The following NELL1 variants were observed in gnomAD, a reference collection of about 807,000 sequenced individuals.
NELL1 encodes the protein protein kinase C-binding protein NELL1.
In NELL1, 76 loss-of-function variants were observed where a neutral mutation model predicts 107.4. The ratio of observed to expected loss-of-function variants is 0.71; its 90% CI spans 0.59 to 0.86. The LOEUF (loss-of-function observed/expected upper bound fraction) is 0.86, where lower values mean the gene tolerates loss of function less well. Ranked by LOEUF, NELL1 falls within the 40% of genes least tolerant of loss-of-function variation. The probability of loss-of-function intolerance (pLI) is 0.00; values close to 1 mark genes in which losing one functional copy is unlikely to be tolerated. For missense variants in NELL1, 1,024 were observed against 1,005.5 expected (o/e 1.02, Z -0.25); for synonymous variants, 353 against 341.2 (o/e 1.03, Z -0.38).
intron 15 of NELL1, among the ~76,000 whole-genome samples, chr11:21,426,077 AG>A (rs2133827906): frequency 6.6e-6 from 1 of 152,358 alleles, no homozygotes; most frequent in East Asian, 1.9e-4. Flanking sequence ...ATACACAAAA[AG>A]AAACAATGAG....
chr11:20,785,004 G>A (rs1856924719), intron 3 of NELL1, among the ~76,000 whole-genome samples: 1 of 152,226 alleles, frequency 6.6e-6, no homozygotes, highest in East Asian at 1.9e-4. Context: ...TTAGGTTAGT[G>A]GTTGAGGAAG....
intron 15 of NELL1, among the ~76,000 whole-genome samples, chr11:21,485,619 A>G (rs1854606666): frequency 6.6e-6 from 1 of 151,722 alleles, no homozygotes; most frequent in Non-Finnish European, 1.5e-5. Context: ...CAAGTTCTAC[A>G]AATGCCTGCT....
intron 12 of NELL1, among the ~76,000 whole-genome samples, chr11:21,046,772 A>T (rs1402442481): frequency 6.6e-6 from 1 of 151,678 alleles, no homozygotes; most frequent in Non-Finnish European, 1.5e-5. Context: ...GTGTGGTGTG[A>T]ATACAGCTCA....
chr11:20,933,384 C>A (rs1326337061), intron 9 of NELL1, among the ~76,000 whole-genome samples: 6 of 152,120 alleles, frequency 3.9e-5, no homozygotes, highest in African/African-American at 1.4e-4. Flanking sequence ...GGGAGACTCA[C>A]GGTGTGATTA....
At chr11:21,478,351 C>A (rs572852328) in intron 15 of NELL1, among the ~76,000 whole-genome samples, 6 of 152,262 alleles carry the variant, frequency 3.9e-5, no homozygotes, top group African/African-American at 1.2e-4. Flanking sequence ...TGCCCCTGGT[C>A]TCTCCCAAAT....
intron 4 of NELL1, among the ~76,000 whole-genome samples, chr11:20,861,123 T>C (rs372795181): frequency 8.5e-5 from 13 of 152,214 alleles, no homozygotes; most frequent in Non-Finnish European, 7.3e-5. Flanking sequence ...TTTTAAAAAT[T>C]ATGTAAGGTG....
intron 14 of NELL1, among the ~76,000 whole-genome samples, chr11:21,370,103 A>G (rs756808606): frequency 1.3e-5 from 2 of 152,032 alleles, no homozygotes; most frequent in Non-Finnish European, 2.9e-5. Flanking sequence ...TCATGGAGCT[A>G]TTTTATGCTA....
chr11:21,398,660 C>T (rs2133793313), intron 15 of NELL1, among the ~76,000 whole-genome samples: 1 of 151,826 alleles, frequency 6.6e-6, no homozygotes, highest in Non-Finnish European at 1.5e-5. Flanking sequence ...GATTCTGTTC[C>T]TACCAATGAT....
At chr11:20,674,677 A>G in intron 1 of NELL1, 2 of 699,458 alleles carry the variant, frequency 2.9e-6, no homozygotes, top group Admixed American at 4.7e-5. Flanking sequence ...CTGGACTGAA[A>G]CTGGATCTCA....
chr11:21,088,062 TGTGTGTG>T (rs1565052608), intron 12 of NELL1, among the ~76,000 whole-genome samples: 19 of 63,030 alleles, frequency 3.0e-4, no homozygotes, highest in African/African-American at 1.6e-3. Flanking sequence ...AGTAGCTCTG[TGTGTGTG>T]TGTGTGTGTG....
intron 5 of NELL1, among the ~76,000 whole-genome samples, chr11:20,898,993 A>G (rs1849812676): frequency 6.6e-6 from 1 of 152,256 alleles, no homozygotes; most frequent in Non-Finnish European, 1.5e-5. Context: ...TGTTTACTAA[A>G]CATATATGCA....
At chr11:21,462,772 C>A (rs978052152) in intron 15 of NELL1, among the ~76,000 whole-genome samples, 2 of 151,972 alleles carry the variant, frequency 1.3e-5, no homozygotes, top group Non-Finnish European at 2.9e-5. Context: ...AAGAGTCTAA[C>A]GTAGAAAAAT....
intron 14 of NELL1, among the ~76,000 whole-genome samples, chr11:21,351,693 C>T (rs1019006235): frequency 1.4e-4 from 21 of 152,236 alleles, no homozygotes; most frequent in Non-Finnish European, 2.1e-4. Flanking sequence ...CACATCTCCA[C>T]TTCCATCACA....
chr11:21,191,057 G>C (rs1857038879), intron 13 of NELL1, among the ~76,000 whole-genome samples: 1 of 151,856 alleles, frequency 6.6e-6, no homozygotes, highest in Non-Finnish European at 1.5e-5. Context: ...TCTTAGCTGT[G>C]CTGCTTTCTA....
intron 14 of NELL1, among the ~76,000 whole-genome samples, chr11:21,294,311 GT>G (rs1039003254): frequency 6.6e-6 from 1 of 151,954 alleles, no homozygotes; most frequent in African/African-American, 2.4e-5. Flanking sequence ...TTAAAAAGTT[GT>G]CGAACTAGTC....
At chr11:20,955,617 A>G (rs1222919338) in intron 11 of NELL1, among the ~76,000 whole-genome samples, 1 of 152,190 alleles carries the variant, frequency 6.6e-6, no homozygotes, top group East Asian at 1.9e-4. Context: ...GACCTCTTTA[A>G]CAGGTATAAG....
chr11:21,382,704 T>C (rs1478502438), intron 15 of NELL1, among the ~76,000 whole-genome samples: 2 of 151,930 alleles, frequency 1.3e-5, no homozygotes, highest in African/African-American at 4.8e-5. Context: ...GGAGCTAGTC[T>C]TTTAAATAGA....
At chr11:21,313,370 G>A (rs1849791553) in intron 14 of NELL1, among the ~76,000 whole-genome samples, 1 of 152,090 alleles carries the variant, frequency 6.6e-6, no homozygotes, top group East Asian at 1.9e-4. Flanking sequence ...TACACTGATT[G>A]GGATCTTTTA....
chr11:21,203,802 C>T (rs1857326471), intron 13 of NELL1, among the ~76,000 whole-genome samples: 1 of 152,120 alleles, frequency 6.6e-6, no homozygotes, highest in Non-Finnish European at 1.5e-5. Flanking sequence ...TAAGGCCGGT[C>T]TGGTGGTGAC....
Sources: gnomAD v4.1 joint callset for allele counts (sites outside exome capture counted in the v4.1 genomes callset) on GRCh38, gnomAD v4.1.1 for gene constraint, MANE v1.5 for transcripts, NCBI Gene and HGNC (gene_info 2026-07-23, HGNC 2026-07-21) for gene names.